SGMS1: variants seen among roughly 807,000 people sequenced by gnomAD.
SGMS1 encodes the protein phosphatidylcholine:ceramide cholinephosphotransferase 1.
A neutral mutation model predicts 46.2 loss-of-function variants in SGMS1; 13 were observed. That is an observed-to-expected ratio of 0.28 (90% CI 0.18 to 0.45). The LOEUF (loss-of-function observed/expected upper bound fraction) is 0.45, where lower values mean the gene tolerates loss of function less well. Among genes scored for constraint, SGMS1 ranks in the 20% least tolerant of loss-of-function variants. SGMS1 has a pLI of 1.00. For missense variants in SGMS1, 324 were observed against 519.9 expected (o/e 0.62, Z 3.66); for synonymous variants, 203 against 187.8 (o/e 1.08, Z -0.66).
intron 4 of SGMS1, among the ~76,000 whole-genome samples, chr10:50,464,744 A>G (rs1256536726): frequency 6.6e-6 from 1 of 152,146 alleles, no homozygotes; most frequent in Non-Finnish European, 1.5e-5. Context: ...CGTTGATTTT[A>G]GCCCAGTGAG....
chr10:50,564,763 ATTT>A (rs1324822792), intron 2 of SGMS1, among the ~76,000 whole-genome samples: 1 of 151,146 alleles, frequency 6.6e-6, no homozygotes, highest in African/African-American at 2.5e-5. Context: ...TATTTTTTTT[ATTT>A]TTATTTTTAT....
intron 5 of SGMS1, among the ~76,000 whole-genome samples, chr10:50,442,611 C>CTAA (rs1319228185): frequency 6.6e-6 from 1 of 152,108 alleles, no homozygotes; most frequent in African/African-American, 2.4e-5. Flanking sequence ...AGGTGGATTC[C>CTAA]ATGTCTTTGC....
At chr10:50,511,625 T>C (rs3011770) in intron 3 of SGMS1, among the ~76,000 whole-genome samples, 30,336 of 152,122 alleles carry the variant, frequency 0.2, 3,462 homozygotes, top group Non-Finnish European at 0.26. Flanking sequence ...TATTTCTGCC[T>C]TAAAAGGTTC....
chr10:50,509,086 T>A lies in SGMS1; in HGVS notation c.-498+10745A>T, dbSNP rs539781880. On this transcript the variant is annotated intron_variant, in intron 3 of 10. Coordinates refer to ENST00000361781, the MANE Select transcript of SGMS1 (RefSeq NM_147156.4). ...TTCAAACCAATTTAGTAAATCCCAG[T>A]TTTAAATAAACAAGAAATTTCCTGT... Among the ~76,000 whole-genome samples, 5 of 151,550 alleles carry A rather than the reference T, an allele frequency of 3.3e-5. No individual in the cohort carries two copies. The East Asian group carries it at 9.6e-4, about 29-fold the overall frequency.
At chr10:50,334,245 T>A (rs532622307) in intron 7 of SGMS1, among the ~76,000 whole-genome samples, 1 of 152,326 alleles carries the variant, frequency 6.6e-6, no homozygotes, top group Non-Finnish European at 1.5e-5. Context: ...CTAAATAAAA[T>A]TGTAGACAAA....
intron 1 of SGMS1, among the ~76,000 whole-genome samples, chr10:50,613,009 T>C (rs1838765008): frequency 6.6e-6 from 1 of 152,232 alleles, no homozygotes; most frequent in East Asian, 1.9e-4. Flanking sequence ...CCAAGTAGTT[T>C]TGAAGTGCAG....
chr10:50,409,824 T>C (rs972561560), intron 6 of SGMS1, among the ~76,000 whole-genome samples: 1 of 152,072 alleles, frequency 6.6e-6, no homozygotes, highest in Non-Finnish European at 1.5e-5. Context: ...AAAAGGACAA[T>C]TATATAGGAA....
intron 2 of SGMS1, among the ~76,000 whole-genome samples, chr10:50,575,596 C>T (rs945837640): frequency 7.3e-5 from 11 of 151,544 alleles, no homozygotes; most frequent in African/African-American, 2.4e-4. Flanking sequence ...GTGTTCTTAC[C>T]CCCGTCACCC....
intron 6 of SGMS1, among the ~76,000 whole-genome samples, chr10:50,409,377 A>G (rs371909538): frequency 1.7e-4 from 26 of 152,172 alleles, no homozygotes; most frequent in African/African-American, 6.0e-4. Context: ...CTATTCTTCA[A>G]CCTCGCTGGA....
At chr10:50,579,161 A>AT (rs1838411269) in intron 2 of SGMS1, among the ~76,000 whole-genome samples, 1 of 152,172 alleles carries the variant, frequency 6.6e-6, no homozygotes, top group Non-Finnish European at 1.5e-5. Context: ...CTGTCAAAAA[A>AT]TTTTAAAAAA....
intron 6 of SGMS1, among the ~76,000 whole-genome samples, chr10:50,372,317 C>A (rs528412692): frequency 6.6e-6 from 1 of 152,122 alleles, no homozygotes; most frequent in Non-Finnish European, 1.5e-5. Flanking sequence ...TACTTTTCCC[C>A]AAATATAAAA....
intron 3 of SGMS1, among the ~76,000 whole-genome samples, chr10:50,509,067 C>T (rs571003739): frequency 1.3e-5 from 2 of 152,264 alleles, no homozygotes; most frequent in Admixed American, 1.3e-4. Flanking sequence ...TAAATTCAAA[C>T]CAATTTAGTA....
intron 8 of SGMS1, among the ~76,000 whole-genome samples, chr10:50,322,405 A>T (rs1232168843): frequency 6.6e-6 from 1 of 152,240 alleles, no homozygotes; most frequent in Non-Finnish European, 1.5e-5. Context: ...CTGCCTGTTT[A>T]TCTGGGATTT....
chr10:50,350,561 G>T (rs950332826), intron 6 of SGMS1, among the ~76,000 whole-genome samples: 3 of 152,126 alleles, frequency 2.0e-5, no homozygotes, highest in African/African-American at 7.2e-5. Flanking sequence ...TTCATGGGCC[G>T]GGTCCAGGGT....
At chr10:50,374,630 C>T (rs949795332) in intron 6 of SGMS1, among the ~76,000 whole-genome samples, 25 of 152,130 alleles carry the variant, frequency 1.6e-4, no homozygotes, top group Admixed American at 6.6e-5. Context: ...TCTTACTAGG[C>T]TCCATAAGGT....
intron 5 of SGMS1, among the ~76,000 whole-genome samples, chr10:50,445,594 A>G (rs536105811): frequency 3.9e-5 from 6 of 152,282 alleles, no homozygotes; most frequent in Admixed American, 2.6e-4. Context: ...CACTTCCCCA[A>G]TCAATACTCT....
At chr10:50,565,680 G>A (rs911609786) in intron 2 of SGMS1, among the ~76,000 whole-genome samples, 1 of 152,186 alleles carries the variant, frequency 6.6e-6, no homozygotes, top group Admixed American at 6.5e-5. Flanking sequence ...TCAAGTTGGC[G>A]TCAGATGCCT....
chr10:50,578,117 T>C (rs949284798), intron 2 of SGMS1, among the ~76,000 whole-genome samples: 2 of 152,264 alleles, frequency 1.3e-5, no homozygotes, highest in Non-Finnish European at 2.9e-5. Flanking sequence ...TCTGCTCTTC[T>C]AAAACTGCTT....
intron 3 of SGMS1, among the ~76,000 whole-genome samples, chr10:50,501,376 T>C (rs1837660002): frequency 6.6e-6 from 1 of 152,224 alleles, no homozygotes; most frequent in African/African-American, 2.4e-5. Flanking sequence ...ACTATTTCCA[T>C]TATGTATTTT....
Sources: allele counts gnomAD v4.1 joint callset (sites outside exome capture counted in the v4.1 genomes callset), GRCh38; gene constraint gnomAD v4.1.1; transcripts MANE v1.5; gene names NCBI Gene and HGNC (gene_info 2026-07-23, HGNC 2026-07-21).